The following ZSCAN5C variants were observed in gnomAD, a reference collection of about 807,000 sequenced individuals.
The protein encoded by ZSCAN5C is zinc finger and SCAN domain containing 5C, also known as zinc finger and SCAN domain-containing protein 5C.
In ZSCAN5C, 11 loss-of-function variants were observed where a neutral mutation model predicts 17.3. The observed-to-expected ratio is 0.64, with a 90% CI of 0.40 to 1.06. The LOEUF is 1.06. ZSCAN5C is among the 50% of genes least tolerant of loss of function. ZSCAN5C has a pLI of 0.00. For missense variants in ZSCAN5C, 698 were observed against 538.9 expected (o/e 1.30, Z -2.92); for synonymous variants, 229 against 208.4 (o/e 1.10, Z -0.85).
chr19:56,208,680 C>T, exon 5 of ZSCAN5C: 4 of 1,612,618 alleles, frequency 2.5e-6, no homozygotes, highest in Non-Finnish European at 3.4e-6. Context: ...AACAGAGAAT[C>T]CCCGGGACAA....
intron 2 of ZSCAN5C, among the ~76,000 whole-genome samples, chr19:56,206,505 C>T (rs1009540581): frequency 3.9e-5 from 6 of 151,966 alleles, no homozygotes; most frequent in Non-Finnish European, 5.9e-5. Context: ...AAGCATTCTC[C>T]AAAGCTCAGG....
At chr19:56,203,154 T>C (rs2032888293) in intron 1 of ZSCAN5C, among the ~76,000 whole-genome samples, 1 of 151,894 alleles carries the variant, frequency 6.6e-6, no homozygotes, top group Non-Finnish European at 1.5e-5. Context: ...CCCAGGTGGT[T>C]GTCAAACTCC....
Position 56,202,476 on chromosome 19 carries a change from G to A in ZSCAN5C, c.-128+154G>A, listed in dbSNP as rs192800570. Among the ~76,000 whole-genome samples, 227 of 151,944 alleles carry A rather than the reference G, an allele frequency of 1.5e-3. 5 individuals carry two copies. Among genetic ancestry groups the A allele is most frequent in the African/African-American group, 4.3e-3 (176 of 41,264 alleles). Reference sequence around the variant, plus strand: ...GGTTTATTTTTTCATGCATTTGCCCGGACACCTTGTGAAGGCAGTGGGTCT... The same window carrying A: ...GGTTTATTTTTTCATGCATTTGCCCAGACACCTTGTGAAGGCAGTGGGTCT... On this transcript the variant is annotated intron_variant, in intron 1 of 4. Coordinates refer to ENST00000534327, the Ensembl canonical transcript of ZSCAN5C.
At chr19:56,202,704 C>T (rs1233485029) in intron 1 of ZSCAN5C, among the ~76,000 whole-genome samples, 4 of 151,944 alleles carry the variant, frequency 2.6e-5, no homozygotes, top group African/African-American at 7.3e-5. Flanking sequence ...CAGGCACTTG[C>T]CACCATGCCT....
At chr19:56,206,712 G>A (rs944967581) in intron 2 of ZSCAN5C, among the ~76,000 whole-genome samples, 3 of 151,704 alleles carry the variant, frequency 2.0e-5, no homozygotes, top group Non-Finnish European at 4.4e-5. Context: ...TGAACTGAAG[G>A]GGGGCCCAGA....
At chr19:56,205,056 GT>G (rs1441464520) in intron 1 of ZSCAN5C, among the ~76,000 whole-genome samples, 2 of 143,976 alleles carry the variant, frequency 1.4e-5, no homozygotes. Flanking sequence ...AGGTAGATTA[GT>G]GATTGCCAGG....
Position 56,206,313 on chromosome 19 carries a change from G to A in ZSCAN5C, c.384+16G>A, listed in dbSNP as rs765122856. ...CAAGAAATGGGTGAGTGGGACCCTCGTGATTGGTGCAGGGAAGGGGAGCTG... is the reference window on the plus strand; with the variant it reads ...CAAGAAATGGGTGAGTGGGACCCTCATGATTGGTGCAGGGAAGGGGAGCTG... On this transcript the variant is annotated intron_variant, in intron 2 of 4. Coordinates refer to ENST00000534327, the Ensembl canonical transcript of ZSCAN5C. 7 of 1,501,000 alleles carry A rather than the reference G, an allele frequency of 4.7e-6. No homozygotes were observed. Among genetic ancestry groups the A allele is most frequent in the Non-Finnish European group, 6.3e-6 (7 of 1,115,034 alleles). The allele number at this position is 1,501,000 out of a possible 1,614,324, so 93.0% of individuals were successfully genotyped here.
exon 5 of ZSCAN5C, chr19:56,208,528 T>G (rs776525294): frequency 6.3e-6 from 10 of 1,585,682 alleles, no homozygotes; most frequent in Non-Finnish European, 7.8e-6. Context: ...ACACACCTTC[T>G]GCCTGCGTTG....
chr19:56,206,297 G>C, exon 2 of ZSCAN5C: 7 of 1,514,798 alleles, frequency 4.6e-6, no homozygotes, highest in Non-Finnish European at 5.3e-6. Flanking sequence ...CCAAGAAATG[G>C]GTGAGTGGGA....
At chr19:56,203,523 C>T (rs746582496) in intron 1 of ZSCAN5C, among the ~76,000 whole-genome samples, 6 of 151,698 alleles carry the variant, frequency 4.0e-5, no homozygotes, top group Non-Finnish European at 7.4e-5. Flanking sequence ...TGGACAATTG[C>T]TCTCTTGAAC....
Position 56,208,558 on chromosome 19 carries a change from TCA to T in ZSCAN5C, c.852_853del (p.His284GlnfsTer45), listed in dbSNP as rs1292100110. Reference sequence around the variant, plus strand: ...GCGTTGTGGAGAGAGAAGCTTCGACTCACAGCGGGAGCAGAGGAGACGCTCTG... The same window carrying T: ...GCGTTGTGGAGAGAGAAGCTTCGACTCAGCGGGAGCAGAGGAGACGCTCTG... On this transcript the variant is annotated frameshift_variant, in exon 5 of 5. Coordinates refer to ENST00000534327, the Ensembl canonical transcript of ZSCAN5C. LOFTEE classifies it low-confidence loss of function (END_TRUNC). 5.7e-6 allele frequency: 9 copies of T among 1,591,182 alleles called. No homozygotes were observed. The Admixed American group carries it at 1.3e-4, about 24-fold the overall frequency.
intron 2 of ZSCAN5C, 83 bp downstream of exon 2, chr19:56,206,380 A>G (rs973002657): frequency 1.1e-4 from 154 of 1,437,774 alleles, no homozygotes; most frequent in Non-Finnish European, 1.3e-4. Flanking sequence ...AGAGGACCCG[A>G]GGGGCTGCTC....
Position 56,205,160 on chromosome 19 carries a change from G to A in ZSCAN5C, c.-127-627G>A, listed in dbSNP as rs533987858. 1.6e-3 allele frequency among the ~76,000 whole-genome samples: 250 copies of A among 151,868 alleles called. 5 individuals are homozygous for A. The highest frequency in any genetic ancestry group is 5.8e-3 in the African/African-American group (237 of 41,192). On this transcript the variant is annotated intron_variant, in intron 1 of 4. Transcript: ENST00000534327. The stretch of plus-strand genomic sequence containing the variant: ...TTCTGGAGCTAGAAACTAGACAGTG[G>A]TAATGGTTGCACAACATGGTGCATG...
At chr19:56,209,222 C>T, downstream of ZSCAN5C, 2 of 680,258 alleles carry the variant, frequency 2.9e-6, no homozygotes, top group South Asian at 3.5e-5. Context: ...GGTCTGTCTT[C>T]TGCACCAAGA....
chr19:56,206,045 C>A, exon 2 of ZSCAN5C: 1 of 1,613,294 alleles, frequency 6.2e-7, no homozygotes, highest in Non-Finnish European at 8.5e-7. Flanking sequence ...AGACTTGTCA[C>A]GTGAACTTCA....
At chr19:56,209,225 C>T (rs991835243), downstream of ZSCAN5C, 3 of 673,342 alleles carry the variant, frequency 4.5e-6, no homozygotes, top group African/African-American at 3.7e-5. Flanking sequence ...CTGTCTTCTG[C>T]ACCAAGAAAG....
At chr19:56,209,200 A>G in exon 5 of ZSCAN5C, 2 of 759,170 alleles carry the variant, frequency 2.6e-6, no homozygotes, top group Non-Finnish European at 4.6e-6. Context: ...CTTCACAGTG[A>G]CTTCACCATC....
Position 56,208,600 on chromosome 19 carries a change from CAAA to C in ZSCAN5C, c.893_895del (p.Lys298del), listed in dbSNP as rs772830495. On this transcript the variant is annotated inframe_deletion, in exon 5 of 5. Transcript: ENST00000534327. ...GAGACGCTCTGAATCTGAGAGGTCT[CAAA>C]AGAAGCAAACCAGACGCCACCTCCA... 5.0e-6 allele frequency: 8 copies of C among 1,602,096 alleles called. No individual in the cohort carries two copies. The Admixed American group carries it at 1.3e-4, about 27-fold the overall frequency.
At chr19:56,208,581 C>T (rs747290452) in exon 5 of ZSCAN5C, 3 of 1,595,806 alleles carry the variant, frequency 1.9e-6, no homozygotes, top group East Asian at 2.2e-5. Flanking sequence ...AGAGGAGACG[C>T]TCTGAATCTG....
Sources: gnomAD v4.1 joint callset for allele counts (sites outside exome capture counted in the v4.1 genomes callset) on GRCh38, gnomAD v4.1.1 for gene constraint, MANE v1.5 for transcripts, NCBI Gene and HGNC (gene_info 2026-07-23, HGNC 2026-07-21) for gene names.